CTSO: variants seen among roughly 807,000 people sequenced by gnomAD.
The protein encoded by CTSO is cathepsin O.
A neutral mutation model predicts 42.4 loss-of-function variants in CTSO; 40 were observed. The ratio of observed to expected loss-of-function variants is 0.94; its 90% CI spans 0.73 to 1.23. The LOEUF (loss-of-function observed/expected upper bound fraction) is 1.23, where lower values mean the gene tolerates loss of function less well. Ranked by LOEUF, CTSO falls within the 50% of genes most tolerant of loss-of-function variation. The probability of loss-of-function intolerance (pLI) is 0.00; values close to 1 mark genes in which losing one functional copy is unlikely to be tolerated. For missense variants in CTSO, 441 were observed against 396.0 expected (o/e 1.11, Z -0.96); for synonymous variants, 156 against 146.2 (o/e 1.07, Z -0.48).
intron 6 of CTSO, 122 bp downstream of exon 6, chr4:155,929,420 G>T (rs1743190960): frequency 3.2e-6 from 3 of 936,960 alleles, no homozygotes; most frequent in Non-Finnish European, 4.7e-6. Flanking sequence ...TTGAGAAGTT[G>T]TGAAGGTCTT....
intron 7 of CTSO, among the ~76,000 whole-genome samples, chr4:155,927,772 C>CT (rs1743156509): frequency 1.3e-5 from 2 of 150,896 alleles, no homozygotes; most frequent in African/African-American, 4.9e-5. Flanking sequence ...GAGACTCTAT[C>CT]TCAAAAAAAA....
At position 155,943,147 on chromosome 4, in the gene CTSO, G is replaced by A. The variant is rs571944490; in HGVS notation, c.244+9C>T. The A allele has an allele frequency of 3.6e-5, 56 of 1,536,854 alleles. No individual in the cohort carries two copies. The highest frequency in any genetic ancestry group is 6.9e-5 in the South Asian group (6 of 86,496). On this transcript the variant is annotated intron_variant, in intron 2 of 7. Coordinates refer to ENST00000433477, the MANE Select transcript of CTSO (RefSeq NM_001334.3). ...AGGAAACCACCTAAATAGCAACATC[G>A]GACTATACCTTTAAACTCTTCAGGA...
chr4:155,943,812 A>G (rs1743483873), intron 1 of CTSO, among the ~76,000 whole-genome samples: 1 of 152,196 alleles, frequency 6.6e-6, no homozygotes, highest in Non-Finnish European at 1.5e-5. Flanking sequence ...GACAGATGCA[A>G]TTCTGGAAAT....
chr4:155,949,790 A>T (rs763845111), intron 1 of CTSO, among the ~76,000 whole-genome samples: 1 of 152,262 alleles, frequency 6.6e-6, no homozygotes, highest in Non-Finnish European at 1.5e-5. Context: ...ACTTTAGATC[A>T]GTGATTCTCA....
chr4:155,931,666 C>T (rs1240002980), intron 5 of CTSO, among the ~76,000 whole-genome samples: 4 of 151,964 alleles, frequency 2.6e-5, no homozygotes, highest in Admixed American at 6.6e-5. Flanking sequence ...TATAGAACTA[C>T]TATCAACATG....
At chr4:155,938,544 G>A (rs1180567547) in intron 4 of CTSO, among the ~76,000 whole-genome samples, 1 of 152,118 alleles carries the variant, frequency 6.6e-6, no homozygotes, top group African/African-American at 2.4e-5. Flanking sequence ...GCCCTACTGT[G>A]AGAGGCTGGG....
At chr4:155,944,526 T>C (rs1385749960) in intron 1 of CTSO, among the ~76,000 whole-genome samples, 1 of 152,194 alleles carries the variant, frequency 6.6e-6, no homozygotes, top group African/African-American at 2.4e-5. Context: ...CTGGCCATCT[T>C]TGTGAGCTGG....
chr4:155,943,064 C>T (rs1743469486), intron 2 of CTSO, 92 bp downstream of exon 2: 1 of 769,790 alleles, frequency 1.3e-6, no homozygotes, highest in Non-Finnish European at 2.2e-6. Flanking sequence ...AACTATTACT[C>T]AATATATTAG....
intron 1 of CTSO, among the ~76,000 whole-genome samples, chr4:155,946,672 T>C (rs1010155069): frequency 2.0e-5 from 3 of 152,176 alleles, no homozygotes; most frequent in Non-Finnish European, 4.4e-5. Flanking sequence ...CCATAGCCCA[T>C]GTCAGGGCTA....
In CTSO at chr4:155,925,858, T is replaced by C. The variant is rs2110898634; in HGVS notation, c.*178A>G. On this transcript the variant is annotated 3_prime_UTR_variant, in exon 8 of 8. Transcript: ENST00000433477. ...CTGGAGTTTGTCCCACTGACTTTGG[T>C]TGTCCATCTCTCTACAAGAAGGGAA... 3.4e-6 allele frequency: 2 copies of C among 594,808 alleles called. No individual in the cohort carries two copies. Among genetic ancestry groups the C allele is most frequent in the Non-Finnish European group, 5.8e-6 (2 of 345,014 alleles). 36.8% of individuals were successfully genotyped at this position (594,808 alleles called of 1,614,324 possible).
chr4:155,942,115 G>A (rs1011656787), intron 3 of CTSO, among the ~76,000 whole-genome samples: 3 of 152,024 alleles, frequency 2.0e-5, no homozygotes, highest in Non-Finnish European at 4.4e-5. Flanking sequence ...AGCAAGGAAG[G>A]TTTATCTTCA....
At position 155,928,326 on chromosome 4, in the gene CTSO, C is replaced by T. The variant is rs766023726; in HGVS notation, c.931+10G>A. 1 of 1,596,716 alleles carries T rather than the reference C, an allele frequency of 6.3e-7. No individual in the cohort carries two copies. The highest frequency in any genetic ancestry group is 8.6e-7 in the Non-Finnish European group (1 of 1,166,704). ...TATATTGAGGTTTTAAACACAAACTCATGACTTACCACAAACATTACTTCC... is the reference window on the plus strand; with the variant it reads ...TATATTGAGGTTTTAAACACAAACTTATGACTTACCACAAACATTACTTCC... On this transcript the variant is annotated intron_variant, in intron 7 of 7. Transcript: ENST00000433477.
At chr4:155,942,280 C>T in intron 3 of CTSO, 37 bp downstream of exon 3, 1 of 1,521,338 alleles carries the variant, frequency 6.6e-7, no homozygotes, top group Admixed American at 2.1e-5. Context: ...CCTTTCAATG[C>T]TTAGATGATT....
rs752438499 is a variant in CTSO, at chr4:155,939,412, T to C, written c.511A>G (p.Asn171Asp). ...IDCSYNNYGC[N>D]GGSTLNALNW... ...AAAGCATTGAGAGTAGAGCCTCCAT[T>C]GCAGCCATAATTATTATACGAACAG... The change falls in exon 4 of 8, where the codon AAT becomes GAT. Residue 171 changes from asparagine to aspartate, a missense_variant. Coordinates refer to ENST00000433477, the MANE Select transcript of CTSO (RefSeq NM_001334.3). 1 of 1,614,078 alleles carries C rather than the reference T, an allele frequency of 6.2e-7. No individual in the cohort carries two copies. Among genetic ancestry groups the C allele is most frequent in the Non-Finnish European group, 8.5e-7 (1 of 1,179,942 alleles).
chr4:155,946,959 C>T (rs928916789), intron 1 of CTSO, among the ~76,000 whole-genome samples: 2 of 152,276 alleles, frequency 1.3e-5, no homozygotes, highest in East Asian at 3.9e-4. Flanking sequence ...GGGTTCACCC[C>T]ATTCTCCTGC....
In CTSO at chr4:155,953,050, T is replaced by C. The variant is rs551200972; in HGVS notation, c.135+663A>G. 2.0e-5 allele frequency among the ~76,000 whole-genome samples: 3 copies of C among 150,882 alleles called. No individual in the cohort carries two copies. In the East Asian group the frequency reaches 5.8e-4, roughly 29 times the overall value. On this transcript the variant is annotated intron_variant, in intron 1 of 7. Coordinates refer to ENST00000433477, the MANE Select transcript of CTSO (RefSeq NM_001334.3). ...TTTTCATGCTAGACTCAAATCTAAG[T>C]ATTTATTATAAATATTATAAAATAT...
At chr4:155,951,311 T>A (rs1414832153) in intron 1 of CTSO, among the ~76,000 whole-genome samples, 1 of 152,110 alleles carries the variant, frequency 6.6e-6, no homozygotes, top group African/African-American at 2.4e-5. Context: ...ATAATGAGCA[T>A]CAGTAAATAT....
intron 1 of CTSO, among the ~76,000 whole-genome samples, chr4:155,943,701 G>A (rs1236943347): frequency 6.6e-6 from 1 of 152,152 alleles, no homozygotes; most frequent in East Asian, 1.9e-4. Context: ...ACTAAGTAAT[G>A]AAGCATGAAA....
rs113143780 is a variant in CTSO, at chr4:155,926,867, G to C, written c.932-797C>G. On this transcript the variant is annotated intron_variant, in intron 7 of 7. Coordinates refer to ENST00000433477, the MANE Select transcript of CTSO (RefSeq NM_001334.3). ...AATTATGAACCAATATTTGAATTAT[G>C]TTATTTTAACACTCCTGTAAGAGAT... is the stretch of plus-strand genomic sequence containing the variant. 7.6e-3 allele frequency among the ~76,000 whole-genome samples: 1,159 copies of C among 152,250 alleles called. 10 individuals carry two copies. The highest frequency in any genetic ancestry group is 0.014 in the Non-Finnish European group (952 of 68,022).
Sources: allele counts gnomAD v4.1 joint callset (sites outside exome capture counted in the v4.1 genomes callset), GRCh38; gene constraint gnomAD v4.1.1; transcripts MANE v1.5; gene names NCBI Gene and HGNC (gene_info 2026-07-23, HGNC 2026-07-21).